Variants in ELMO1 observed in about 807,000 individuals in gnomAD.
The protein encoded by ELMO1 is engulfment and cell motility protein 1.
In ELMO1, 26 loss-of-function variants were observed where a neutral mutation model predicts 98.9. That is an observed-to-expected ratio of 0.26 (90% confidence interval 0.19 to 0.36). The LOEUF is 0.36. ELMO1 is among the 10% of genes least tolerant of loss of function. ELMO1 has a pLI of 1.00. For synonymous variants in ELMO1, 346 were observed against 346.0 expected (o/e 1.00, Z 0.00); for missense variants, 627 against 935.2 (o/e 0.67, Z 4.30).
chr7:37,366,394 T>C (rs1449132975), intron 1 of ELMO1, among the ~76,000 whole-genome samples: 1 of 152,172 alleles, frequency 6.6e-6, no homozygotes, highest in Non-Finnish European at 1.5e-5. Context: ...TCATCACACG[T>C]AGGGTCTCTG....
At chr7:36,884,111 A>G (rs1804712362) in intron 18 of ELMO1, among the ~76,000 whole-genome samples, 1 of 152,270 alleles carries the variant, frequency 6.6e-6, no homozygotes, top group Admixed American at 6.5e-5. Context: ...ATCTGAGGTC[A>G]GGAGTTCGAG....
intron 2 of ELMO1, among the ~76,000 whole-genome samples, chr7:37,317,512 A>T (rs1321801059): frequency 6.6e-6 from 1 of 152,264 alleles, no homozygotes; most frequent in Non-Finnish European, 1.5e-5. Flanking sequence ...AGATCCTGTC[A>T]TTTGCAATAA....
chr7:37,361,756 C>T lies in ELMO1; in HGVS notation c.-73-18993G>A, dbSNP rs186774980. Among the ~76,000 whole-genome samples the T allele has an allele frequency of 2.8e-4, 42 of 152,276 alleles. No individual in the cohort carries two copies. The East Asian group carries it at 7.1e-3, about 26-fold the overall frequency. ...GGCGGATGGCTTGAGCTCAGGAGTT[C>T]GAGACCAGCCTGGGCAACACAGGGA... On this transcript the variant is annotated intron_variant, in intron 1 of 21. Coordinates refer to ENST00000310758, the MANE Select transcript of ELMO1 (RefSeq NM_014800.11).
intron 16 of ELMO1, among the ~76,000 whole-genome samples, chr7:36,916,008 G>A (rs1784661941): frequency 6.6e-6 from 1 of 152,178 alleles, no homozygotes; most frequent in African/African-American, 2.4e-5. Context: ...GCTCAGGGAG[G>A]AAATCTAAGC....
At chr7:37,316,677 T>C (rs1799181252) in intron 2 of ELMO1, among the ~76,000 whole-genome samples, 1 of 152,212 alleles carries the variant, frequency 6.6e-6, no homozygotes, top group Admixed American at 6.5e-5. Flanking sequence ...AAACTCTTCC[T>C]GTTTTGGATG....
intron 13 of ELMO1, among the ~76,000 whole-genome samples, chr7:37,205,697 G>A (rs1792575222): frequency 6.6e-6 from 1 of 152,138 alleles, no homozygotes; most frequent in Non-Finnish European, 1.5e-5. Flanking sequence ...GTGGCTTGGT[G>A]TCTTGTTCGA....
At chr7:37,425,771 T>C (rs1343431164) in intron 1 of ELMO1, among the ~76,000 whole-genome samples, 1 of 152,180 alleles carries the variant, frequency 6.6e-6, no homozygotes, top group Non-Finnish European at 1.5e-5. Context: ...GTGGCCGAGT[T>C]TGAAAACCAT....
intron 15 of ELMO1, among the ~76,000 whole-genome samples, chr7:37,073,235 C>T (rs1228669040): frequency 1.3e-5 from 2 of 151,930 alleles, no homozygotes; most frequent in Admixed American, 1.3e-4. Context: ...AGAATATGCC[C>T]TTGAAGGATA....
At chr7:37,370,716 C>T (rs190613637) in intron 1 of ELMO1, among the ~76,000 whole-genome samples, 28 of 152,290 alleles carry the variant, frequency 1.8e-4, no homozygotes, top group Admixed American at 1.2e-3. Flanking sequence ...CAAGCTGACA[C>T]CATTTTACAC....
intron 13 of ELMO1, among the ~76,000 whole-genome samples, chr7:37,136,952 T>C (rs758844008): frequency 7.2e-5 from 11 of 152,132 alleles, no homozygotes; most frequent in Non-Finnish European, 1.5e-4. Flanking sequence ...GCCTCAATGC[T>C]TCACTTAAAA....
intron 16 of ELMO1, among the ~76,000 whole-genome samples, chr7:36,951,347 C>A (rs1191355413): frequency 6.6e-6 from 1 of 152,254 alleles, no homozygotes; most frequent in African/African-American, 2.4e-5. Context: ...ATCACCAACA[C>A]TTGGCTCCGG....
intron 8 of ELMO1, among the ~76,000 whole-genome samples, chr7:37,225,540 C>T (rs1180398979): frequency 6.6e-6 from 1 of 152,208 alleles, no homozygotes; most frequent in Admixed American, 6.5e-5. Context: ...CAACTGGCAA[C>T]TTCTCAGTCA....
At chr7:37,040,948 C>T (rs1162909996) in intron 15 of ELMO1, among the ~76,000 whole-genome samples, 1 of 152,124 alleles carries the variant, frequency 6.6e-6, no homozygotes, top group Admixed American at 6.5e-5. Context: ...GGCGTGGTGG[C>T]ACATGCCTGT....
intron 1 of ELMO1, chr7:37,353,093 C>T (rs1034846862): frequency 1.3e-5 from 2 of 152,228 alleles, no homozygotes; most frequent in Admixed American, 6.6e-5. Flanking sequence ...AGGAACCCCC[C>T]AGACTAAATC....
At chr7:37,394,300 A>G (rs1244262205) in intron 1 of ELMO1, among the ~76,000 whole-genome samples, 2 of 152,196 alleles carry the variant, frequency 1.3e-5, no homozygotes, top group African/African-American at 4.8e-5. Flanking sequence ...CATGTTCAGA[A>G]ACCTGAAAGA....
At chr7:37,114,171 C>T (rs1043521100) in intron 14 of ELMO1, among the ~76,000 whole-genome samples, 3 of 152,180 alleles carry the variant, frequency 2.0e-5, no homozygotes, top group Non-Finnish European at 4.4e-5. Context: ...CTGACCAATA[C>T]TGGAAGAATC....
At chr7:37,000,217 T>C (rs918396107) in intron 16 of ELMO1, among the ~76,000 whole-genome samples, 1 of 152,232 alleles carries the variant, frequency 6.6e-6, no homozygotes, top group Admixed American at 6.5e-5. Flanking sequence ...GTGGGTCTTT[T>C]CCTTTTCTAC....
intron 15 of ELMO1, among the ~76,000 whole-genome samples, chr7:37,063,971 C>T (rs1388783276): frequency 2.0e-5 from 3 of 152,064 alleles, no homozygotes; most frequent in Admixed American, 6.6e-5. Flanking sequence ...TGCCAAATTG[C>T]CTAAATTCCT....
chr7:36,970,569 T>C (rs12537494), intron 16 of ELMO1, among the ~76,000 whole-genome samples: 20,048 of 152,182 alleles, frequency 0.13, 1,936 homozygotes, highest in African/African-American at 0.26. Flanking sequence ...AGCTGGATTG[T>C]ATTCTTTTTG....
Sources: allele counts gnomAD v4.1 joint callset (sites outside exome capture counted in the v4.1 genomes callset), GRCh38; gene constraint gnomAD v4.1.1; transcripts MANE v1.5; gene names NCBI Gene and HGNC (gene_info 2026-07-23, HGNC 2026-07-21).